The following LTBP2 variants were observed in gnomAD, a reference collection of about 807,000 sequenced individuals.
LTBP2 encodes latent-transforming growth factor beta-binding protein 2.
In LTBP2, 103 loss-of-function variants were observed where a neutral mutation model predicts 210.6. That is an observed-to-expected ratio of 0.49 (90% CI 0.42 to 0.58). LTBP2 has a LOEUF of 0.58. Among genes scored for constraint, LTBP2 ranks in the 20% least tolerant of loss-of-function variants. LTBP2 has a pLI of 0.00. For missense variants in LTBP2, 2,313 were observed against 2,494.5 expected, an observed-to-expected ratio of 0.93 and a Z score of 1.55; for synonymous variants, 1,007 against 1,015.0, an observed-to-expected ratio of 0.99 and a Z score of 0.15.
At chr14:74,540,952 T>C (rs1190424420) in intron 8 of LTBP2, among the ~76,000 whole-genome samples, 3 of 132,572 alleles carry the variant, frequency 2.3e-5, no homozygotes, top group Non-Finnish European at 4.7e-5. Context: ...ATATTTTTTA[T>C]ATATGTAGGT....
chr14:74,583,763 G>A (rs778364885), intron 3 of LTBP2, among the ~76,000 whole-genome samples: 10 of 152,238 alleles, frequency 6.6e-5, no homozygotes, highest in Non-Finnish European at 1.5e-4. Flanking sequence ...AGTGTGCCAG[G>A]CATGGTGTTA....
intron 2 of LTBP2, among the ~76,000 whole-genome samples, chr14:74,595,249 C>T (rs1419449286): frequency 1.3e-5 from 2 of 152,204 alleles, no homozygotes; most frequent in Admixed American, 1.3e-4. Context: ...TGCTGCAACA[C>T]TGGGCCAGGT....
chr14:74,579,474 C>G (rs2088107298), intron 3 of LTBP2, among the ~76,000 whole-genome samples: 2 of 152,224 alleles, frequency 1.3e-5, no homozygotes, highest in African/African-American at 2.4e-5. Context: ...GCCAATCACT[C>G]TCAGCATCAG....
In LTBP2 at chr14:74,551,160, A is replaced by G. The variant is rs2087650023; in HGVS notation, c.1590T>C (p.Pro530=). Reference sequence around the variant, plus strand: ...GCCGAGGGGGCTCTCCAGACCGAGCAGGGATGTTGTTGCTGTCCCAGAGGC... The same window carrying G: ...GCCGAGGGGGCTCTCCAGACCGAGCGGGGATGTTGTTGCTGTCCCAGAGGC... The part of the protein sequence containing the change: ...GHSLWDSNNI[P]ARSGEPPRPL... Residue 530 remains proline (P), a synonymous_variant, in exon 7 of 36, where the codon CCT becomes CCC. Transcript: ENST00000261978. 1 of 1,613,782 alleles carries G rather than the reference A, an allele frequency of 6.2e-7. No homozygotes were observed. The highest frequency in any genetic ancestry group is 1.1e-5 in the South Asian group (1 of 91,090).
intron 15 of LTBP2, among the ~76,000 whole-genome samples, chr14:74,524,725 GGCA>G (rs1329561602): frequency 6.6e-6 from 1 of 152,190 alleles, no homozygotes; most frequent in Non-Finnish European, 1.5e-5. Flanking sequence ...CCCGTGGGCA[GGCA>G]GCTGCTCGCT....
chr14:74,556,527 T>A (rs1242226892), intron 3 of LTBP2, among the ~76,000 whole-genome samples: 1 of 152,230 alleles, frequency 6.6e-6, no homozygotes, highest in Non-Finnish European at 1.5e-5. Context: ...TGCTTGTTTT[T>A]GTTTTTGAGA....
At chr14:74,564,369 A>T (rs1302747386) in intron 3 of LTBP2, among the ~76,000 whole-genome samples, 6 of 33,446 alleles carry the variant, frequency 1.8e-4, no homozygotes, top group Admixed American at 5.6e-4. Context: ...ATATATATTT[A>T]TATATATATA....
Position 74,551,245 on chromosome 14 carries a change from A to AG in LTBP2, c.1504dup (p.Leu502ProfsTer101). The AG allele has an allele frequency of 6.2e-7, 1 of 1,612,708 alleles. No individual in the cohort carries two copies. Among genetic ancestry groups the AG allele is most frequent in the Non-Finnish European group, 8.5e-7 (1 of 1,179,694 alleles). ...TCTGGTCTCCACGCTGTTCTCCACT[A>AG]GGGCCTCCTCCACCCCGCCCCGCAC... On this transcript the variant is annotated frameshift_variant, in exon 7 of 36. Transcript: ENST00000261978. LOFTEE classifies it high-confidence loss of function.
chr14:74,584,741 T>A (rs890361804), intron 3 of LTBP2, among the ~76,000 whole-genome samples: 12 of 152,128 alleles, frequency 7.9e-5, no homozygotes. Flanking sequence ...CTAGCTGCCC[T>A]TGGAAAACAT....
Position 74,611,488 on chromosome 14 carries a change from C to A in LTBP2, c.457G>T (p.Ala153Ser). 1.3e-6 allele frequency: 2 copies of A among 1,505,998 alleles called. No homozygotes were observed. The highest frequency in any genetic ancestry group is 2.7e-5 in the South Asian group (2 of 75,034). The allele number at this position is 1,505,998 out of a possible 1,614,324, so 93.3% of individuals were successfully genotyped here. A position where few individuals can be genotyped will look rare whatever the true frequency, so the allele number is the denominator to read the frequency against. Residue 153 changes from alanine to serine, a missense_variant, in exon 1 of 36, where the codon GCT (alanine) becomes TCT (serine). Around this residue, in one of 3 missense-constraint regions of LTBP2, gnomAD observed 1,867 missense variants for 1,976.9 expected, o/e 0.94. Coordinates refer to ENST00000261978, the MANE Select transcript of LTBP2 (RefSeq NM_000428.3). The stretch of plus-strand genomic sequence containing the variant: ...CCTCGCGGCGGGGTTGGGGGCGCAG[C>A]CCCAGACCGCTGTGGGGTCCCCAGG... ...PRLGTPQRSG[A>S]APPTPPRGRL... is the part of the protein sequence containing the mutation.
intron 3 of LTBP2, among the ~76,000 whole-genome samples, chr14:74,568,166 G>A (rs1381829460): frequency 6.6e-6 from 1 of 152,210 alleles, no homozygotes; most frequent in East Asian, 1.9e-4. Context: ...CCGGTGCTGG[G>A]TGAGCAGAAC....
chr14:74,562,159 G>A (rs1032045360), intron 3 of LTBP2, among the ~76,000 whole-genome samples: 19 of 151,822 alleles, frequency 1.3e-4, no homozygotes, highest in Admixed American at 1.1e-3. Context: ...GCAGTGAACC[G>A]AGATTGCACC....
intron 3 of LTBP2, among the ~76,000 whole-genome samples, chr14:74,568,796 C>T (rs1366780030): frequency 6.6e-6 from 1 of 152,164 alleles, no homozygotes; most frequent in African/African-American, 2.4e-5. Flanking sequence ...GCCTATACCA[C>T]GAATCTTTGC....
intron 3 of LTBP2, chr14:74,560,074 T>C (rs1416410315): frequency 6.6e-6 from 1 of 152,198 alleles, no homozygotes. Context: ...AAGTCATCTC[T>C]AGACTTCAGG....
chr14:74,500,710 C>T lies in LTBP2; in HGVS notation c.*174G>A. ...CTTGAGCCAAGCAAGGGCATGGAGG[C>T]AATGACCGAAGCTTACAGCCAGAGG... is the stretch of plus-strand genomic sequence containing the variant. On this transcript the variant is annotated 3_prime_UTR_variant, in exon 36 of 36. Coordinates refer to ENST00000261978, the MANE Select transcript of LTBP2 (RefSeq NM_000428.3). 1 of 809,762 alleles carries T rather than the reference C, an allele frequency of 1.2e-6. No homozygotes were observed. Among genetic ancestry groups the T allele is most frequent in the South Asian group, 1.6e-5 (1 of 64,094 alleles). The allele number at this position is 809,762 out of a possible 1,614,324, so 50.2% of individuals were successfully genotyped here.
intron 3 of LTBP2, among the ~76,000 whole-genome samples, chr14:74,580,185 C>T (rs1043570751): frequency 6.6e-6 from 1 of 152,058 alleles, no homozygotes; most frequent in Non-Finnish European, 1.5e-5. Context: ...ACAGAGAGGG[C>T]CCCACTACAA....
intron 3 of LTBP2, among the ~76,000 whole-genome samples, chr14:74,576,003 C>A (rs900710595): frequency 6.6e-6 from 1 of 152,200 alleles, no homozygotes; most frequent in South Asian, 2.1e-4. Context: ...CCAGGAGGAG[C>A]CTCCTTTACA....
At chr14:74,545,289 A>G (rs1406465499) in intron 8 of LTBP2, among the ~76,000 whole-genome samples, 1 of 152,200 alleles carries the variant, frequency 6.6e-6, no homozygotes, top group Non-Finnish European at 1.5e-5. Flanking sequence ...TCATCCATCA[A>G]ATAGGGTTAA....
Position 74,504,775 on chromosome 14 carries a change from T to C in LTBP2, c.4453+3A>G. 6.2e-7 allele frequency: 1 copy of C among 1,614,034 alleles called. No individual in the cohort carries two copies. Among genetic ancestry groups the C allele is most frequent in the Non-Finnish European group, 8.5e-7 (1 of 1,179,892 alleles). On this transcript the variant is annotated splice_donor_region_variant and intron_variant, in intron 30 of 35. Coordinates refer to ENST00000261978, the MANE Select transcript of LTBP2 (RefSeq NM_000428.3). ...GTTTGGGGCAGAGGATGGAGCAGAT[T>C]ACCTGTGTACATGGTCTGTCCAAAC...
Sources: allele counts gnomAD v4.1 joint callset (sites outside exome capture counted in the v4.1 genomes callset), GRCh38; gene constraint gnomAD v4.1.1; regional missense constraint gnomAD v4.1.1; transcripts MANE v1.5; gene names NCBI Gene and HGNC (gene_info 2026-07-23, HGNC 2026-07-21).